TJP3: variants seen among roughly 807,000 people sequenced by gnomAD.
The protein encoded by TJP3 is tight junction protein ZO-3.
TJP3 carries 85 observed loss-of-function variants against 104.2 expected under a neutral mutation model. The observed-to-expected ratio is 0.82, with a 90% CI of 0.68 to 0.98. The LOEUF (loss-of-function observed/expected upper bound fraction) is 0.98. TJP3 is among the 50% of genes least tolerant of loss of function. The pLI is 0.00. For missense variants in TJP3, 1,367 were observed against 1,322.8 expected (o/e 1.03, Z -0.52); for synonymous variants, 550 against 550.6 (o/e 1.00, Z 0.02).
chr19:3,740,517 C>A (rs747193789), intron 13 of TJP3, 35 bp from the exon 14 acceptor site: 15 of 1,308,938 alleles, frequency 1.1e-5, no homozygotes, highest in Admixed American at 3.6e-5. Flanking sequence ...ATGCTGCTGA[C>A]CCCAGTGCTC....
chr19:3,742,613 G>A (rs994452971), intron 14 of TJP3, among the ~76,000 whole-genome samples: 14 of 56,864 alleles, frequency 2.5e-4, no homozygotes, highest in African/African-American at 8.0e-4. Flanking sequence ...CACTGTCATC[G>A]CGCTGCTCCA....
rs564065701 is a variant in TJP3, at chr19:3,746,441, C to T, written c.2011-44C>T. 6.3e-7 allele frequency: 1 copy of T among 1,597,548 alleles called. No homozygotes were observed. Among genetic ancestry groups the T allele is most frequent in the Admixed American group, 1.7e-5 (1 of 59,728 alleles). ...TTCTATCTTTCTCTCTCTGTTTACC[C>T]TGCTGCAATCCCCCTCACCCCAACG... On this transcript the variant is annotated intron_variant, in intron 16 of 20. Transcript: ENST00000541714. This position sits in a 1 kb window ranked among gnomAD's most constrained non-coding sequence, Gnocchi z 4.1.
chr19:3,733,658 A>G, intron 6 of TJP3, 95 bp from the exon 7 acceptor site: 2 of 1,532,754 alleles, frequency 1.3e-6, no homozygotes. Context: ...CTCTGGGGGA[A>G]TTGTCTGTTT....
chr19:3,750,624 A>T lies in TJP3; in HGVS notation c.2700A>T (p.Val900=), dbSNP rs1046271. 2.5e-6 allele frequency: 4 copies of T among 1,607,534 alleles called. No homozygotes were observed. Among genetic ancestry groups the T allele is most frequent in the Non-Finnish European group, 3.4e-6 (4 of 1,176,950 alleles). The part of the protein sequence containing the change: ...REALKKKFMR[V]HDAESSDEDG... The stretch of plus-strand genomic sequence containing the variant: ...CCCTGAAGAAAAAGTTTATGCGAGT[A>T]CATGATGCGGAGTCCTCCGATGAAG... Residue 900 remains valine (V), a synonymous_variant, in exon 21 of 21, where the codon GTA becomes GTT. Transcript: ENST00000541714.
At chr19:3,743,211 C>T (rs1010993216) in intron 14 of TJP3, among the ~76,000 whole-genome samples, 2 of 152,036 alleles carry the variant, frequency 1.3e-5, no homozygotes, top group Non-Finnish European at 2.9e-5. Context: ...TTGCAGTGAG[C>T]CAAGATTGCG....
intron 1 of TJP3, among the ~76,000 whole-genome samples, chr19:3,722,705 G>A (rs1006852603): frequency 6.6e-6 from 1 of 152,028 alleles, no homozygotes; most frequent in African/African-American, 2.4e-5. Flanking sequence ...CCAGACCCAG[G>A]CCACTCCGCC....
chr19:3,735,493 C>A lies in TJP3; in HGVS notation c.987-73C>A, dbSNP rs568251213. 6.9e-5 allele frequency: 103 copies of A among 1,493,538 alleles called. 1 individual carries two copies. In the South Asian group the frequency reaches 1.1e-3, roughly 17 times the overall value. 92.5% of individuals were successfully genotyped at this position (1,493,538 alleles called of 1,614,324 possible). ...GGATTACAGGCATGAACCACCGTGC[C>A]CGGCCTAAAATTCTTTTTAAAATGG... On this transcript the variant is annotated intron_variant, in intron 8 of 20. Transcript: ENST00000541714.
chr19:3,735,971 C>G, intron 10 of TJP3, 36 bp downstream of exon 10: 1 of 1,612,250 alleles, frequency 6.2e-7, no homozygotes, highest in Non-Finnish European at 8.5e-7. Context: ...CCGCTCAAAA[C>G]TCCTACATCC....
At chr19:3,715,557 G>T (rs774070788) in intron 1 of TJP3, among the ~76,000 whole-genome samples, 4 of 152,082 alleles carry the variant, frequency 2.6e-5, no homozygotes, top group African/African-American at 4.8e-5. Context: ...GAGAGCAGAC[G>T]GTGGGTGGTT....
intron 1 of TJP3, among the ~76,000 whole-genome samples, chr19:3,710,555 G>C (rs184216857): frequency 4.6e-5 from 7 of 152,352 alleles, no homozygotes; most frequent in Non-Finnish European, 1.0e-4. Context: ...AGGGCAGGGA[G>C]TATGGGTACT....
chr19:3,725,875 C>G lies in TJP3; in HGVS notation c.-9-2549C>G, dbSNP rs117040658. Reference sequence around the variant, plus strand: ...GGGAGACTGAGGCTGGGAGAGGCCCCGCCATAGCTAGCACGGGTGGGCAGA... The same window carrying G: ...GGGAGACTGAGGCTGGGAGAGGCCCGGCCATAGCTAGCACGGGTGGGCAGA... On this transcript the variant is annotated intron_variant, in intron 1 of 20. Transcript: ENST00000541714. 1.4e-3 allele frequency among the ~76,000 whole-genome samples: 208 copies of G among 152,264 alleles called. 1 individual carries two copies. In the East Asian group the frequency reaches 0.037, roughly 27 times the overall value.
rs111669934 is a variant in TJP3, at chr19:3,728,754, G to T, written c.158+41G>T. ...GCTGGGTTCTGGCGGGGGAGGGCACGTGGAGAGGAGAAACCAGGCCAGGCA... is the reference window on the plus strand; with the variant it reads ...GCTGGGTTCTGGCGGGGGAGGGCACTTGGAGAGGAGAAACCAGGCCAGGCA... On this transcript the variant is annotated intron_variant, in intron 3 of 20. Transcript: ENST00000541714. The T allele has an allele frequency of 3.1e-6, 5 of 1,599,070 alleles. No individual in the cohort carries two copies. The East Asian group carries it at 1.1e-4, about 36-fold the overall frequency.
chr19:3,730,795 C>A lies in TJP3; in HGVS notation c.613+89C>A. The A allele has an allele frequency of 7.2e-7, 1 of 1,388,458 alleles. No homozygotes were observed. The highest frequency in any genetic ancestry group is 9.6e-7 in the Non-Finnish European group (1 of 1,042,872). 86.0% of individuals were successfully genotyped at this position (1,388,458 alleles called of 1,614,324 possible). ...CGACGGTTTCAAGTGATTCTCCTGCCTCAGCCTCCCTGGTGGCTGGGACTC... is the reference window on the plus strand; with the variant it reads ...CGACGGTTTCAAGTGATTCTCCTGCATCAGCCTCCCTGGTGGCTGGGACTC... On this transcript the variant is annotated intron_variant, in intron 5 of 20. Transcript: ENST00000541714. This position sits in a 1 kb window ranked among gnomAD's most constrained non-coding sequence, Gnocchi z 7.3.
At chr19:3,725,883 C>T (rs914035069) in intron 1 of TJP3, among the ~76,000 whole-genome samples, 2 of 152,208 alleles carry the variant, frequency 1.3e-5, no homozygotes, top group Non-Finnish European at 2.9e-5. Context: ...CCCGCCATAG[C>T]TAGCACGGGT....
intron 19 of TJP3, among the ~76,000 whole-genome samples, chr19:3,748,399 G>A (rs2145708377): frequency 6.6e-6 from 1 of 150,978 alleles, no homozygotes; most frequent in Middle Eastern, 3.4e-3. Flanking sequence ...AGCCTCCTGA[G>A]TAGTTGGGAT....
At chr19:3,720,848 CCTTT>C (rs2036533997) in intron 1 of TJP3, among the ~76,000 whole-genome samples, 1 of 151,568 alleles carries the variant, frequency 6.6e-6, no homozygotes, top group Admixed American at 6.6e-5. Flanking sequence ...GCACTCTGCC[CCTTT>C]CTTTTCCTTC....
intron 7 of TJP3, 122 bp downstream of exon 7, chr19:3,734,034 A>G (rs2036705521): frequency 2.2e-6 from 3 of 1,352,630 alleles, no homozygotes; most frequent in African/African-American, 1.5e-5. Context: ...AGTGACAGGA[A>G]CTTGCTGAAG....
chr19:3,749,774 T>G (rs932233278), intron 19 of TJP3: 1 of 288,262 alleles, frequency 3.5e-6, no homozygotes, highest in Non-Finnish European at 6.5e-6. Flanking sequence ...ATTAGAGTGA[T>G]TTTCCTGGGG....
intron 6 of TJP3, among the ~76,000 whole-genome samples, chr19:3,732,833 C>T (rs557772411): frequency 6.7e-6 from 1 of 149,852 alleles, no homozygotes; most frequent in Admixed American, 6.7e-5. Flanking sequence ...TTAGTAGAGA[C>T]GGGGTTTCTC....
Sources: gnomAD v4.1 joint callset for allele counts (sites outside exome capture counted in the v4.1 genomes callset) on GRCh38, gnomAD v4.1.1 for gene constraint, Gnocchi (gnomAD v3.1) non-coding constraint, MANE v1.5 for transcripts, NCBI Gene and HGNC (gene_info 2026-07-23, HGNC 2026-07-21) for gene names.